Variants in MFSD2A observed in about 807,000 individuals in gnomAD.
MFSD2A encodes the protein MFSD2 lysolipid transporter A, lysophospholipid, also known as sodium-dependent lysophosphatidylcholine symporter 1.
A neutral mutation model predicts 64.7 loss-of-function variants in MFSD2A; 27 were observed. The ratio of observed to expected loss-of-function variants is 0.42; its 90% CI spans 0.31 to 0.58. The LOEUF (loss-of-function observed/expected upper bound fraction) is 0.58. MFSD2A is among the 20% of genes least tolerant of loss of function. MFSD2A has a pLI of 0.18. For synonymous variants in MFSD2A, 258 were observed against 273.4 expected (o/e 0.94, Z 0.55); for missense variants, 474 against 679.5 (o/e 0.70, Z 3.36).
At position 39,965,506 on chromosome 1, in the gene MFSD2A, C is replaced by T. The variant is rs773314294; in HGVS notation, c.513C>T (p.Phe171=). 1.9e-6 allele frequency: 3 copies of T among 1,614,106 alleles called. No homozygotes were observed. Among genetic ancestry groups the T allele is most frequent in the Admixed American group, 3.3e-5 (2 of 60,022 alleles). ...TTCCCTACTCGGCTCTCACCATGTT[C>T]ATCAGCACCGAGCAGACTGAGCGGG... is the stretch of plus-strand genomic sequence containing the variant. ...FHVPYSALTM[F]ISTEQTERDS... Residue 171 remains phenylalanine, a synonymous_variant, in exon 5 of 14, where the codon TTC becomes TTT. Transcript: ENST00000372811. This position sits in a 1 kb window ranked among gnomAD's most constrained non-coding sequence, Gnocchi z 5.5.
At position 39,965,370 on chromosome 1, in the gene MFSD2A, G is replaced by A. The variant is rs745950568; in HGVS notation, c.477+36G>A. The A allele has an allele frequency of 9.9e-6, 16 of 1,613,548 alleles. No individual in the cohort carries two copies. The highest frequency in any genetic ancestry group is 1.3e-5 in the African/African-American group (1 of 74,890). On this transcript the variant is annotated intron_variant, in intron 4 of 13. Transcript: ENST00000372811. The surrounding 1 kb of genome is among the most constrained non-coding windows in gnomAD (Gnocchi z 5.5). ...GTACCTCCCTTGGGTGTCTCTAGGG[G>A]CCGGGAGGAGGGCGGTCCTTGGGGC...
intron 3 of MFSD2A, among the ~76,000 whole-genome samples, chr1:39,961,427 C>G (rs1645041864): frequency 6.8e-6 from 1 of 147,168 alleles, no homozygotes; most frequent in Non-Finnish European, 1.5e-5. Flanking sequence ...CAGTTCACAG[C>G]AAGCTCCACC....
chr1:39,966,516 G>A, intron 6 of MFSD2A, 85 bp from the exon 7 acceptor site: 1 of 1,135,330 alleles, frequency 8.8e-7, no homozygotes, highest in South Asian at 1.4e-5. Context: ...ACTGGCCCAA[G>A]ATCATTGAGT....
At position 39,965,816 on chromosome 1, in the gene MFSD2A, T is replaced by A. The variant is rs763973304; in HGVS notation, c.557-41T>A. The A allele has an allele frequency of 3.1e-6, 5 of 1,608,832 alleles. No individual in the cohort carries two copies. Among genetic ancestry groups the A allele is most frequent in the Admixed American group, 3.3e-5 (2 of 59,896 alleles). On this transcript the variant is annotated intron_variant, in intron 5 of 13. Coordinates refer to ENST00000372811, the MANE Select transcript of MFSD2A (RefSeq NM_032793.5). The surrounding 1 kb of genome is among the most constrained non-coding windows in gnomAD (Gnocchi z 5.5). ...TTGACCTTCCTCCCTGGGCCCACAA[T>A]CCATGAGGCCCCTCCAAAACACCTC...
chr1:39,962,674 G>T (rs1645070519), intron 3 of MFSD2A: 2 of 781,258 alleles, frequency 2.6e-6, no homozygotes, highest in Admixed American at 2.0e-5. Context: ...CGTGGACGGG[G>T]CCCGGGCCGA....
In MFSD2A at chr1:39,965,705, AG is replaced by A; in HGVS notation, c.557-150del. On this transcript the variant is annotated intron_variant, in intron 5 of 13. Coordinates refer to ENST00000372811, the MANE Select transcript of MFSD2A (RefSeq NM_032793.5). This position sits in a 1 kb window ranked among gnomAD's most constrained non-coding sequence, Gnocchi z 5.5. ...CTTATTGCTCAGATGAGACCTGGAG[AG>A]GTGCATATGCGTTCAAACCAAGGTG... is the stretch of plus-strand genomic sequence containing the variant. 1 of 1,169,814 alleles carries A rather than the reference AG, an allele frequency of 8.5e-7. No individual in the cohort carries two copies. The highest frequency in any genetic ancestry group is 2.4e-5 in the East Asian group (1 of 41,636). 72.5% of individuals were successfully genotyped at this position (1,169,814 alleles called of 1,614,324 possible). A position where few individuals can be genotyped will look rare whatever the true frequency, so the allele number is the denominator to read the frequency against.
chr1:39,957,296 G>A (rs1029217208), intron 2 of MFSD2A, 75 bp downstream of exon 2: 14 of 1,426,794 alleles, frequency 9.8e-6, no homozygotes, highest in African/African-American at 1.5e-5. Context: ...GGGTCAGTTC[G>A]CTCAGTTTTC....
chr1:39,963,342 G>A lies in MFSD2A; in HGVS notation c.354-1869G>A, dbSNP rs892111051. 2.2e-5 allele frequency: 22 copies of A among 1,012,726 alleles called. No homozygotes were observed. Among genetic ancestry groups the A allele is most frequent in the Admixed American group, 6.1e-5 (3 of 49,516 alleles). The allele number at this position is 1,012,726 out of a possible 1,614,324, so 62.7% of individuals were successfully genotyped here. On this transcript the variant is annotated intron_variant, in intron 3 of 13. Transcript: ENST00000372811. This position sits in a 1 kb window ranked among gnomAD's most constrained non-coding sequence, Gnocchi z 4.2. ...GGAGACTGTATTCACCAAGTCTCCC[G>A]ATCAGGAATTCACTGACCACCTCAT...
rs371976292 is a variant in MFSD2A at position 39,969,492 on chromosome 1, C to T, written c.1530-13C>T. The T allele has an allele frequency of 4.1e-5, 66 of 1,595,606 alleles. No individual in the cohort carries two copies. Among genetic ancestry groups the T allele is most frequent in the Non-Finnish European group, 5.5e-5 (65 of 1,172,048 alleles). ...GGATGCTTCCTCCAACCCATCTCCT[C>T]TCTCTCTTGCAGGGACGAGGCCAGC... On this transcript the variant is annotated splice_polypyrimidine_tract_variant and intron_variant, in intron 13 of 13. Transcript: ENST00000372811.
Position 39,969,678 on chromosome 1 carries a change from G to C in MFSD2A, c.*110G>C. On this transcript the variant is annotated 3_prime_UTR_variant, in exon 14 of 14. Coordinates refer to ENST00000372811, the MANE Select transcript of MFSD2A (RefSeq NM_032793.5). ...TGCAGGTGCTAGGAAGGGAACTGAA[G>C]ACTCAAGGAGGTGGCCCAGGACACT... The C allele has an allele frequency of 9.1e-7, 1 of 1,094,802 alleles. No homozygotes were observed. Among genetic ancestry groups the C allele is most frequent in the Non-Finnish European group, 1.3e-6 (1 of 750,444 alleles). The allele number at this position is 1,094,802 out of a possible 1,614,324, so 67.8% of individuals were successfully genotyped here. A position where few individuals can be genotyped will look rare whatever the true frequency, so the allele number is the denominator to read the frequency against.
At chr1:39,969,135 G>A (rs181941549) in intron 13 of MFSD2A, among the ~76,000 whole-genome samples, 10 of 152,174 alleles carry the variant, frequency 6.6e-5, no homozygotes, top group African/African-American at 2.2e-4. Context: ...TGAAAGGGGC[G>A]GAGCTGGGGT....
rs747232241 is a variant in MFSD2A, at chr1:39,967,707, T to C, written c.1091T>C (p.Ile364Thr). The C allele has an allele frequency of 1.9e-6, 3 of 1,614,030 alleles. No individual in the cohort carries two copies. The highest frequency in any genetic ancestry group is 2.2e-5 in the South Asian group (2 of 91,080). ...AAGAAGACAGCTGTATATGTTGGGA[T>C]CTCAGTGAGTGGGGTTGAAGAGCAG... ...FGKKTAVYVG[I>T]SSAVPFLILV... is the part of the protein sequence containing the mutation. The change falls in exon 10 of 14, where the codon ATC (isoleucine) becomes ACC (threonine). Residue 364 changes from isoleucine (I) to threonine (T), a missense_variant. Coordinates refer to ENST00000372811, the MANE Select transcript of MFSD2A (RefSeq NM_032793.5).
Position 39,968,530 on chromosome 1 carries a change from C to A in MFSD2A, c.1353-39C>A, listed in dbSNP as rs2124782248. On this transcript the variant is annotated intron_variant, in intron 12 of 13. Transcript: ENST00000372811. The surrounding 1 kb of genome is among the most constrained non-coding windows in gnomAD (Gnocchi z 4.4). ...ACTGGGCAGGGCCAGGCCCCAGGTGCCCCATCTTCACCGTTCTCCTACCCC... is the reference window on the plus strand; with the variant it reads ...ACTGGGCAGGGCCAGGCCCCAGGTGACCCATCTTCACCGTTCTCCTACCCC... The A allele has an allele frequency of 6.2e-7, 1 of 1,613,762 alleles. No individual in the cohort carries two copies. The highest frequency in any genetic ancestry group is 8.5e-7 in the Non-Finnish European group (1 of 1,179,732).
Position 39,969,544 on chromosome 1 carries a change from C to T in MFSD2A, c.1569C>T (p.Ser523=), listed in dbSNP as rs776345370. 6.9e-6 allele frequency: 11 copies of T among 1,602,956 alleles called. No homozygotes were observed. The highest frequency in any genetic ancestry group is 6.0e-6 in the Non-Finnish European group (7 of 1,175,774). ...GCTCTGGCTGCTCAGAAACAGACTC[C>T]ACAGAGCTGGCTAGCATCCTCTAGG... ...ASSSGCSETD[S]TELASIL The change falls in exon 14 of 14, where the codon TCC becomes TCT. Residue 523 remains serine, a synonymous_variant. Transcript: ENST00000372811.
chr1:39,965,604 TC>T lies in MFSD2A; in HGVS notation c.556+56del. ...CCTCCAGGGACCCTCCAGCCATACT[TC>T]TTCCCTTGCGGGTCCAGCTCTTTGC... On this transcript the variant is annotated intron_variant, in intron 5 of 13. Coordinates refer to ENST00000372811, the MANE Select transcript of MFSD2A (RefSeq NM_032793.5). The surrounding 1 kb of genome is among the most constrained non-coding windows in gnomAD (Gnocchi z 5.5). The T allele has an allele frequency of 1.9e-6, 3 of 1,566,420 alleles. No individual in the cohort carries two copies. The highest frequency in any genetic ancestry group is 2.6e-6 in the Non-Finnish European group (3 of 1,137,348).
At chr1:39,962,725 G>T (rs1645071447) in intron 3 of MFSD2A, 4 of 801,884 alleles carry the variant, frequency 5.0e-6, no homozygotes, top group Non-Finnish European at 2.1e-6. Context: ...GATAAGGAGT[G>T]GATGCCTGTC....
chr1:39,959,915 C>T (rs1396002148), intron 3 of MFSD2A, among the ~76,000 whole-genome samples: 2 of 152,202 alleles, frequency 1.3e-5, no homozygotes, highest in Admixed American at 1.3e-4. Flanking sequence ...AGACTTCAGG[C>T]CCAGCCTGCT....
chr1:39,968,635 CG>C lies in MFSD2A; in HGVS notation c.1420del (p.Val474Ter). ...GTGTCAAGTTTACACTGAACATGCTCGTGACCATGGCTCCCATAGTTCTCAT... is the reference window on the plus strand; with the variant it reads ...GTGTCAAGTTTACACTGAACATGCTCTGACCATGGCTCCCATAGTTCTCAT... ...ERVKFTLNMLVTMAPIVLILL... is the reference protein window; with the variant it reads ...ERVKFTLNMLXTMAPIVLILL... On this transcript the variant is annotated frameshift_variant, in exon 13 of 14. Transcript: ENST00000372811. LOFTEE classifies it high-confidence loss of function. The surrounding 1 kb of genome is among the most constrained non-coding windows in gnomAD (Gnocchi z 4.4). 6.2e-7 allele frequency: 1 copy of C among 1,614,200 alleles called. No homozygotes were observed. The highest frequency in any genetic ancestry group is 8.5e-7 in the Non-Finnish European group (1 of 1,180,042).
rs1488795478 is a variant in MFSD2A, at chr1:39,963,208, A to T, written c.354-2003A>T. 3 of 1,578,844 alleles carry T rather than the reference A, an allele frequency of 1.9e-6. No individual in the cohort carries two copies. The highest frequency in any genetic ancestry group is 2.7e-5 in the African/African-American group (2 of 74,424). On this transcript the variant is annotated intron_variant, in intron 3 of 13. Transcript: ENST00000372811. The surrounding 1 kb of genome is among the most constrained non-coding windows in gnomAD (Gnocchi z 4.2). ...CTGCTCATGATGGCTGGTATCGATG[A>T]CTGCTACACCTCAGCCCGGGGCTGC...
Sources: allele counts gnomAD v4.1 joint callset (sites outside exome capture counted in the v4.1 genomes callset), GRCh38; gene constraint gnomAD v4.1.1; non-coding constraint Gnocchi (gnomAD v3.1); transcripts MANE v1.5; gene names NCBI Gene and HGNC (gene_info 2026-07-23, HGNC 2026-07-21).